Variants in PRKAG2 observed in about 807,000 individuals in gnomAD.
PRKAG2 encodes 5'-AMP-activated protein kinase subunit gamma-2.
A neutral mutation model predicts 69.6 loss-of-function variants in PRKAG2; 26 were observed. That is an observed-to-expected ratio of 0.37 (90% CI 0.27 to 0.52). PRKAG2 has a LOEUF of 0.52. Among genes scored for constraint, PRKAG2 ranks in the 20% least tolerant of loss-of-function variants. PRKAG2 has a pLI of 0.90. For synonymous variants in PRKAG2, 293 were observed against 285.0 expected (o/e 1.03, Z -0.28); for missense variants, 557 against 740.0 (o/e 0.75, Z 2.87).
chr7:151,584,113 C>A (rs541896256), intron 6 of PRKAG2, among the ~76,000 whole-genome samples: 2 of 152,240 alleles, frequency 1.3e-5, no homozygotes, highest in Non-Finnish European at 2.9e-5. Context: ...CCTCCCTTGC[C>A]AGCTGCATGA....
chr7:151,628,957 T>C (rs935468630), intron 5 of PRKAG2, among the ~76,000 whole-genome samples: 4 of 152,140 alleles, frequency 2.6e-5, no homozygotes, highest in Non-Finnish European at 5.9e-5. Context: ...GAAGTCTTAC[T>C]AAGATCGGTG....
chr7:151,796,378 T>C (rs948548134), intron 1 of PRKAG2, among the ~76,000 whole-genome samples: 1 of 152,166 alleles, frequency 6.6e-6, no homozygotes, highest in East Asian at 1.9e-4. Context: ...GCCGTTGTCC[T>C]GGCAGTGCTT....
At chr7:151,795,570 A>C (rs1193105303) in intron 1 of PRKAG2, among the ~76,000 whole-genome samples, 2 of 152,112 alleles carry the variant, frequency 1.3e-5, no homozygotes, top group African/African-American at 4.8e-5. Context: ...CACTGATTCA[A>C]TCAAATACCA....
intron 5 of PRKAG2, among the ~76,000 whole-genome samples, chr7:151,596,793 C>G (rs1814650875): frequency 6.6e-6 from 1 of 151,568 alleles, no homozygotes; most frequent in Admixed American, 6.6e-5. Context: ...GAAGAAGATA[C>G]AAATAAAAGG....
rs2075070212 is a variant in PRKAG2 at position 151,756,145 on chromosome 7, C to T, written c.466+25007G>A. Among the ~76,000 whole-genome samples the T allele has an allele frequency of 1.3e-5, 2 of 152,176 alleles. No individual in the cohort carries two copies. Among genetic ancestry groups the T allele is most frequent in the Non-Finnish European group, 2.9e-5 (2 of 68,026 alleles). Reference sequence around the variant, plus strand: ...AGGTCCCTCTGCCCCCAAAGCAGGTCTCGCCTCTGCACCATCGGTACAGTC... The same window carrying T: ...AGGTCCCTCTGCCCCCAAAGCAGGTTTCGCCTCTGCACCATCGGTACAGTC... On this transcript the variant is annotated intron_variant, in intron 3 of 15. Transcript: ENST00000287878. This position sits in a 1 kb window ranked among gnomAD's most constrained non-coding sequence, Gnocchi z 4.9.
intron 3 of PRKAG2, among the ~76,000 whole-genome samples, chr7:151,685,767 TA>T (rs55879822): frequency 0.44 from 63,920 of 145,362 alleles, 14,145 homozygotes; most frequent in Middle Eastern, 0.53. Flanking sequence ...ACCCTGTCTC[TA>T]AAAAAAAAAA....
chr7:151,767,919 T>C (rs781548088), intron 3 of PRKAG2, among the ~76,000 whole-genome samples: 50 of 152,218 alleles, frequency 3.3e-4, no homozygotes, highest in Non-Finnish European at 5.9e-4. Flanking sequence ...CACAGCCTCC[T>C]TTTTCTCTCA....
intron 4 of PRKAG2, among the ~76,000 whole-genome samples, chr7:151,634,427 C>A (rs1304096812): frequency 6.6e-6 from 1 of 152,114 alleles, no homozygotes; most frequent in Non-Finnish European, 1.5e-5. Context: ...ACCAAAAACA[C>A]AGTCCATAAA....
At chr7:151,732,207 G>A (rs1327099931) in intron 3 of PRKAG2, among the ~76,000 whole-genome samples, 3 of 146,070 alleles carry the variant, frequency 2.1e-5, no homozygotes, top group East Asian at 4.1e-4. Flanking sequence ...GCATGATCAC[G>A]GCTCATTGCA....
chr7:151,806,124 G>A (rs2078089194), intron 1 of PRKAG2, among the ~76,000 whole-genome samples: 1 of 152,232 alleles, frequency 6.6e-6, no homozygotes, highest in Non-Finnish European at 1.5e-5. Flanking sequence ...GGGAAGCGGA[G>A]GTTGCAGTGA....
At chr7:151,776,239 C>T (rs975292354) in intron 3 of PRKAG2, among the ~76,000 whole-genome samples, 8 of 152,224 alleles carry the variant, frequency 5.3e-5, no homozygotes, top group East Asian at 1.9e-4. Context: ...TCTGAAGAAG[C>T]CATGCCCCCA....
chr7:151,813,579 G>A (rs144249548), intron 1 of PRKAG2, among the ~76,000 whole-genome samples: 269 of 151,838 alleles, frequency 1.8e-3, no homozygotes, highest in African/African-American at 6.3e-3. Context: ...GGTGAGCTCC[G>A]AATCTAGTAC....
At chr7:151,634,005 C>T (rs1563312004) in intron 4 of PRKAG2, among the ~76,000 whole-genome samples, 1 of 152,222 alleles carries the variant, frequency 6.6e-6, no homozygotes, top group Non-Finnish European at 1.5e-5. Context: ...CCTCGGCTCA[C>T]TGCAAGCTCT....
intron 3 of PRKAG2, among the ~76,000 whole-genome samples, chr7:151,763,104 C>T (rs761510394): frequency 5.3e-5 from 8 of 152,226 alleles, no homozygotes; most frequent in Non-Finnish European, 1.0e-4. Flanking sequence ...CAACTGAAAA[C>T]GTCCATTAAA....
At chr7:151,832,241 AG>A (rs1242097537) in intron 1 of PRKAG2, among the ~76,000 whole-genome samples, 2 of 17,150 alleles carry the variant, frequency 1.2e-4, no homozygotes, top group African/African-American at 3.3e-4. Flanking sequence ...GGAGAGGAGG[AG>A]GGAAGGAAGG....
intron 1 of PRKAG2, among the ~76,000 whole-genome samples, chr7:151,817,975 A>C (rs1393679802): frequency 6.6e-6 from 1 of 152,202 alleles, no homozygotes; most frequent in Non-Finnish European, 1.5e-5. Flanking sequence ...GAATAAGAGG[A>C]AGATACTCAC....
intron 5 of PRKAG2, among the ~76,000 whole-genome samples, chr7:151,628,882 C>T (rs1259704189): frequency 6.6e-6 from 1 of 152,118 alleles, no homozygotes; most frequent in Non-Finnish European, 1.5e-5. Context: ...AAGGTGAATG[C>T]CAGAGAAGTA....
intron 3 of PRKAG2, among the ~76,000 whole-genome samples, chr7:151,760,409 T>C (rs1480470258): frequency 6.6e-6 from 1 of 152,174 alleles, no homozygotes; most frequent in Admixed American, 6.5e-5. Flanking sequence ...AATTTTTGTA[T>C]TTTTAGTAGA....
rs191681774 is a variant in PRKAG2, at chr7:151,592,222, G to T, written c.864+3123C>A. Among the ~76,000 whole-genome samples the T allele has an allele frequency of 9.8e-4, 149 of 152,314 alleles. 1 individual carries two copies. The highest frequency in any genetic ancestry group is 3.4e-3 in the African/African-American group (140 of 41,576). ...TGGTTTACAGGTGCTTCTCCTGCTG[G>T]GCTGGCCCCTGCTGGCACTGCACAG... is the stretch of plus-strand genomic sequence containing the variant. On this transcript the variant is annotated intron_variant, in intron 6 of 15. Transcript: ENST00000287878.
Sources: allele counts gnomAD v4.1 joint callset (sites outside exome capture counted in the v4.1 genomes callset), GRCh38; gene constraint gnomAD v4.1.1; non-coding constraint Gnocchi (gnomAD v3.1); transcripts MANE v1.5; gene names NCBI Gene and HGNC (gene_info 2026-07-23, HGNC 2026-07-21).